Variants in DESI1 observed in about 807,000 individuals in gnomAD.
The protein encoded by DESI1 is desumoylating isopeptidase 1, also known as PPPDE peptidase domain containing 2.
Under a neutral mutation model 22.4 loss-of-function variants are expected in DESI1, and 17 were observed. The ratio of observed to expected loss-of-function variants is 0.76; its 90% CI spans 0.52 to 1.14. DESI1 has a LOEUF of 1.14. DESI1 is among the 50% of genes most tolerant of loss of function. The probability of loss-of-function intolerance (pLI) is 0.00; values close to 1 mark genes in which losing one functional copy is unlikely to be tolerated. For synonymous variants in DESI1, 92 were observed against 84.2 expected, an observed-to-expected ratio of 1.09 and a Z score of -0.51; for missense variants, 177 against 208.9, an observed-to-expected ratio of 0.85 and a Z score of 0.94.
At chr22:41,610,262 C>T (rs1216174185) in intron 1 of DESI1, among the ~76,000 whole-genome samples, 1 of 151,102 alleles carries the variant, frequency 6.6e-6, no homozygotes, top group Admixed American at 6.6e-5. Context: ...ACCTGTAATC[C>T]CAGCTACTCG....
At chr22:41,610,372 ACT>A (rs2067509786) in intron 1 of DESI1, among the ~76,000 whole-genome samples, 1 of 148,960 alleles carries the variant, frequency 6.7e-6, no homozygotes, top group Admixed American at 6.7e-5. Context: ...ACAGGGTGAG[ACT>A]CTGTCTCAAA....
In DESI1 at chr22:41,604,277, C is replaced by T. The variant is rs5751127; in HGVS notation, c.181-124G>A. On this transcript the variant is annotated intron_variant, in intron 3 of 5. Transcript: ENST00000263256. ...TTTTTTTTTTTTTTTTTTTTTTAGA[C>T]GGAGTTTCTCTCGTCACCCAGGCTG... 10,137 of 659,890 alleles carry T rather than the reference C, an allele frequency of 0.015. 1,899 individuals are homozygous for T. The East Asian group carries it at 0.34, about 22-fold the overall frequency. The allele number at this position is 659,890 out of a possible 1,614,324, so 40.9% of individuals were successfully genotyped here.
intron 3 of DESI1, 54 bp downstream of exon 3, chr22:41,607,208 A>C: frequency 6.7e-7 from 1 of 1,488,786 alleles, no homozygotes; most frequent in Non-Finnish European, 9.0e-7. Flanking sequence ...CCTGGTCTAC[A>C]GGAGCCCCCA....
intron 1 of DESI1, among the ~76,000 whole-genome samples, chr22:41,608,151 C>T (rs578249741): frequency 6.6e-6 from 1 of 152,266 alleles, no homozygotes; most frequent in South Asian, 2.1e-4. Flanking sequence ...TCAGCTATGC[C>T]TTTTTAACTT....
intron 1 of DESI1, among the ~76,000 whole-genome samples, chr22:41,615,731 G>A (rs1029664553): frequency 3.9e-5 from 6 of 152,206 alleles, no homozygotes; most frequent in Non-Finnish European, 5.9e-5. Flanking sequence ...ATAGGAAGGG[G>A]ACAGAGTCCT....
intron 1 of DESI1, among the ~76,000 whole-genome samples, chr22:41,614,325 T>C (rs2067536630): frequency 6.6e-6 from 1 of 152,082 alleles, no homozygotes; most frequent in Non-Finnish European, 1.5e-5. Context: ...GGTTAACCAC[T>C]GCACCCAGCC....
At chr22:41,619,487 GATA>G (rs1228145668) in intron 1 of DESI1, among the ~76,000 whole-genome samples, 5 of 152,172 alleles carry the variant, frequency 3.3e-5, no homozygotes, top group African/African-American at 1.2e-4. Context: ...TATCCTTACG[GATA>G]ATTATTTGCC....
At position 41,603,306 on chromosome 22, in the gene DESI1, C is replaced by G. The variant is rs2067459736; in HGVS notation, c.366G>C (p.Arg122=). 1 of 1,614,214 alleles carries G rather than the reference C, an allele frequency of 6.2e-7. No individual in the cohort carries two copies. The highest frequency in any genetic ancestry group is 8.5e-7 in the Non-Finnish European group (1 of 1,180,034). Residue 122 remains arginine, a synonymous_variant, in exon 5 of 6, where the codon CGG becomes CGC. Transcript: ENST00000263256. Reference sequence around the variant, plus strand: ...GGTCTGTGATGTAAGAAGGAATCTTCCGCCCAGTCAGGAACTGTGCCACTT... The same window carrying G: ...GGTCTGTGATGTAAGAAGGAATCTTGCGCCCAGTCAGGAACTGTGCCACTT... ...SNEVAQFLTG[R]KIPSYITDLP... is the part of the protein sequence containing the mutation.
At chr22:41,606,179 T>C (rs1387177953) in intron 3 of DESI1, among the ~76,000 whole-genome samples, 2 of 151,896 alleles carry the variant, frequency 1.3e-5, no homozygotes, top group African/African-American at 4.8e-5. Context: ...CTGGGCAACA[T>C]AGGGAGATCC....
intron 1 of DESI1, among the ~76,000 whole-genome samples, chr22:41,612,847 C>T (rs765345775): frequency 1.3e-5 from 2 of 151,248 alleles, no homozygotes; most frequent in East Asian, 1.9e-4. Context: ...CACCTCCAGG[C>T]GTGAGCCACC....
intron 1 of DESI1, among the ~76,000 whole-genome samples, chr22:41,616,649 C>A (rs929099094): frequency 1.3e-5 from 2 of 151,910 alleles, no homozygotes; most frequent in Non-Finnish European, 2.9e-5. Flanking sequence ...CTGAAGGACA[C>A]TTATAATAGC....
At chr22:41,614,687 C>T (rs946958908) in intron 1 of DESI1, among the ~76,000 whole-genome samples, 5 of 149,348 alleles carry the variant, frequency 3.3e-5, no homozygotes, top group African/African-American at 7.4e-5. Flanking sequence ...CGAGTTCAAG[C>T]GATTCTCCTG....
rs1216216919 is a variant in DESI1 at position 41,599,165 on chromosome 22, C to G, written c.*1932G>C. 6.6e-6 allele frequency: 1 copy of G among 152,206 alleles called. No homozygotes were observed. The highest frequency in any genetic ancestry group is 1.9e-4 in the East Asian group (1 of 5,190). The allele number at this position is 152,206 out of a possible 1,614,324, so 9.4% of individuals were successfully genotyped here. On this transcript the variant is annotated 3_prime_UTR_variant, in exon 6 of 6. Coordinates refer to ENST00000263256, the MANE Select transcript of DESI1 (RefSeq NM_015704.3). The stretch of plus-strand genomic sequence containing the variant: ...GCTTTTTGGAGAGGAAAGGCCTGTG[C>G]TGCAGGCCAGACTTCCAGGAAGAAG...
rs907718809 is a variant in DESI1 at position 41,600,936 on chromosome 22, T to C, written c.*161A>G. 6.2e-6 allele frequency: 4 copies of C among 645,576 alleles called. No homozygotes were observed. The African/African-American group carries it at 7.3e-5, about 12-fold the overall frequency. 40.0% of individuals were successfully genotyped at this position (645,576 alleles called of 1,614,324 possible). ...CATTTTGTTCTGTTTCTTAGCAGCA[T>C]TGTCTACATGCGGCCTGACGGTCTC... On this transcript the variant is annotated 3_prime_UTR_variant, in exon 6 of 6. Transcript: ENST00000263256.
At chr22:41,604,791 G>GGCCACT (rs1430387863) in intron 3 of DESI1, among the ~76,000 whole-genome samples, 2 of 152,112 alleles carry the variant, frequency 1.3e-5, no homozygotes, top group Non-Finnish European at 2.9e-5. Flanking sequence ...ATTCACGTCA[G>GGCCACT]GCCACTTTCA....
At chr22:41,614,282 C>T (rs552752954) in intron 1 of DESI1, among the ~76,000 whole-genome samples, 27 of 152,138 alleles carry the variant, frequency 1.8e-4, no homozygotes, top group East Asian at 1.4e-3. Context: ...GTGATCTACC[C>T]GCCTCGGTCT....
intron 1 of DESI1, among the ~76,000 whole-genome samples, chr22:41,616,542 A>ACT (rs2067551912): frequency 6.6e-6 from 1 of 151,568 alleles, no homozygotes; most frequent in African/African-American, 2.4e-5. Context: ...ACACACACAC[A>ACT]CACACACACA....
intron 1 of DESI1, among the ~76,000 whole-genome samples, chr22:41,618,366 A>AC (rs956606550): frequency 3.3e-5 from 5 of 151,708 alleles, no homozygotes; most frequent in Non-Finnish European, 7.4e-5. Flanking sequence ...CGTCTAAAAA[A>AC]AAAAAAAAGG....
intron 1 of DESI1, among the ~76,000 whole-genome samples, chr22:41,613,972 T>G (rs1277985280): frequency 6.6e-6 from 1 of 152,144 alleles, no homozygotes; most frequent in Non-Finnish European, 1.5e-5. Context: ...AAGGTACACT[T>G]AGGATCTCAT....
Sources: allele counts gnomAD v4.1 joint callset (sites outside exome capture counted in the v4.1 genomes callset), GRCh38; gene constraint gnomAD v4.1.1; transcripts MANE v1.5; gene names NCBI Gene and HGNC (gene_info 2026-07-23, HGNC 2026-07-21).